Variants in MAP2K1 observed in about 807,000 individuals in gnomAD.
The protein encoded by MAP2K1 is mitogen-activated protein kinase kinase 1.
In MAP2K1, 16 loss-of-function variants were observed where a neutral mutation model predicts 46.3. The observed-to-expected ratio is 0.35, with a 90% CI of 0.23 to 0.52. MAP2K1 has a LOEUF of 0.52. Ranked by LOEUF, MAP2K1 falls within the 20% of genes least tolerant of loss-of-function variation. The pLI, the probability that MAP2K1 is intolerant of heterozygous loss-of-function variation, is 0.94. For missense variants in MAP2K1, 263 were observed against 497.1 expected, an observed-to-expected ratio of 0.53 and a Z score of 4.48; for synonymous variants, 183 against 185.6, an observed-to-expected ratio of 0.99 and a Z score of 0.11.
At chr15:66,410,997 G>C (rs1188645094) in intron 1 of MAP2K1, among the ~76,000 whole-genome samples, 5 of 152,192 alleles carry the variant, frequency 3.3e-5, no homozygotes, top group African/African-American at 1.2e-4. Flanking sequence ...TTAGTTTACA[G>C]AGCTTCTGTG....
At chr15:66,402,319 A>T (rs2093383901) in intron 1 of MAP2K1, among the ~76,000 whole-genome samples, 1 of 152,074 alleles carries the variant, frequency 6.6e-6, no homozygotes, top group African/African-American at 2.4e-5. Flanking sequence ...GCTCGGTATG[A>T]GGTGTATGTC....
chr15:66,483,959 A>G (rs1179937896), intron 6 of MAP2K1, among the ~76,000 whole-genome samples: 1 of 152,038 alleles, frequency 6.6e-6, no homozygotes, highest in Non-Finnish European at 1.5e-5. Context: ...CGTGTTAGCC[A>G]GGATGGTCTC....
Position 66,466,904 on chromosome 15 carries a change from A to G in MAP2K1, c.569-14851A>G, listed in dbSNP as rs1892482623. 2.0e-5 allele frequency among the ~76,000 whole-genome samples: 3 copies of G among 152,134 alleles called. No homozygotes were observed. In the South Asian group the frequency reaches 6.2e-4, roughly 31 times the overall value. On this transcript the variant is annotated intron_variant, in intron 5 of 10. Transcript: ENST00000307102. The stretch of plus-strand genomic sequence containing the variant: ...AAAGTTTTTCCTCTGTTTTGATGTC[A>G]CAGTCTTTAAAGTTATCAGAAGCCT...
intron 1 of MAP2K1, among the ~76,000 whole-genome samples, chr15:66,412,591 C>T (rs1173690314): frequency 1.3e-5 from 2 of 152,148 alleles, no homozygotes; most frequent in African/African-American, 4.8e-5. Context: ...GGTAATTTGG[C>T]CCAAAGACTG....
intron 1 of MAP2K1, among the ~76,000 whole-genome samples, chr15:66,388,796 C>A (rs574507637): frequency 6.6e-6 from 1 of 152,130 alleles, no homozygotes; most frequent in East Asian, 1.9e-4. Flanking sequence ...AGACCTGCTC[C>A]CAACAGACTC....
In MAP2K1 at chr15:66,483,842, G is replaced by A. The variant is rs182263829; in HGVS notation, c.694-1148G>A. On this transcript the variant is annotated intron_variant, in intron 6 of 10. Transcript: ENST00000307102. The stretch of plus-strand genomic sequence containing the variant: ...GGCTTACTGCAAGCCCTGCCTCCCA[G>A]GTTCACTCCATTCTCCTGCCTCATC... 1.2e-3 allele frequency among the ~76,000 whole-genome samples: 184 copies of A among 148,602 alleles called. 1 individual carries two copies. Among genetic ancestry groups the A allele is most frequent in the African/African-American group, 4.3e-3 (173 of 40,624 alleles).
intron 1 of MAP2K1, among the ~76,000 whole-genome samples, chr15:66,398,813 G>A (rs886629880): frequency 6.9e-6 from 1 of 145,046 alleles, no homozygotes; most frequent in Non-Finnish European, 1.5e-5. Context: ...CACTCTTGTC[G>A]TCCAGGCTAG....
At chr15:66,464,167 T>G (rs1168068463) in intron 5 of MAP2K1, among the ~76,000 whole-genome samples, 1 of 152,228 alleles carries the variant, frequency 6.6e-6, no homozygotes, top group African/African-American at 2.4e-5. Context: ...CGTCTCAGGT[T>G]TCATCGGATC....
At chr15:66,444,516 A>G (rs908553641) in intron 4 of MAP2K1, 140 bp from the exon 5 acceptor site, 1 of 698,126 alleles carries the variant, frequency 1.4e-6, no homozygotes, top group Non-Finnish European at 2.7e-6. Flanking sequence ...CTGGGCAACA[A>G]GAGTGAAACT....
chr15:66,420,383 A>G (rs2093434966), intron 1 of MAP2K1, among the ~76,000 whole-genome samples: 1 of 150,648 alleles, frequency 6.6e-6, no homozygotes. Context: ...CCTGGGCAAC[A>G]TGGCGAAACC....
chr15:66,483,748 C>CTTTTTTTTTT (rs750947705), intron 6 of MAP2K1, among the ~76,000 whole-genome samples: 13 of 131,102 alleles, frequency 9.9e-5, no homozygotes, highest in East Asian at 2.2e-4. Flanking sequence ...CATACATTTT[C>CTTTTTTTTTT]TTTTTTTTTT....
chr15:66,463,938 A>G (rs990899133), intron 5 of MAP2K1, among the ~76,000 whole-genome samples: 1 of 152,150 alleles, frequency 6.6e-6, no homozygotes, highest in Non-Finnish European at 1.5e-5. Context: ...TTTTCTTTTG[A>G]GTTTCTGATT....
At chr15:66,407,207 A>G (rs928042338) in intron 1 of MAP2K1, among the ~76,000 whole-genome samples, 2 of 151,982 alleles carry the variant, frequency 1.3e-5, no homozygotes, top group African/African-American at 4.9e-5. Context: ...GCCTGAATGC[A>G]GAATGATCAA....
At chr15:66,469,472 CTTTTTTTTT>C (rs370379739) in intron 5 of MAP2K1, among the ~76,000 whole-genome samples, 212 of 76,640 alleles carry the variant, frequency 2.8e-3, no homozygotes, top group African/African-American at 9.7e-3. Context: ...CTGGTGCCTC[CTTTTTTTTT>C]TTTTTTTTTT....
chr15:66,398,885 T>C (rs1197075701), intron 1 of MAP2K1, among the ~76,000 whole-genome samples: 1 of 151,968 alleles, frequency 6.6e-6, no homozygotes, highest in Non-Finnish European at 1.5e-5. Flanking sequence ...GTGATTCTTG[T>C]GGCTCAGCCT....
At chr15:66,427,647 C>T (rs990968493) in intron 1 of MAP2K1, among the ~76,000 whole-genome samples, 5 of 152,056 alleles carry the variant, frequency 3.3e-5, no homozygotes, top group Non-Finnish European at 2.9e-5. Context: ...CCTTTAGTCT[C>T]CTGACAACCC....
At chr15:66,399,753 T>C (rs925503609) in intron 1 of MAP2K1, among the ~76,000 whole-genome samples, 10 of 152,190 alleles carry the variant, frequency 6.6e-5, no homozygotes, top group Admixed American at 5.9e-4. Flanking sequence ...TGTGCCACCA[T>C]GCCTGGGTAA....
chr15:66,466,589 A>G (rs1324922641), intron 5 of MAP2K1, among the ~76,000 whole-genome samples: 1 of 152,200 alleles, frequency 6.6e-6, no homozygotes, highest in Non-Finnish European at 1.5e-5. Flanking sequence ...CTGAGACCCA[A>G]GAATCACTTG....
rs541794579 is a variant in MAP2K1, at chr15:66,431,324, A to G, written c.81-3703A>G. 5.9e-5 allele frequency among the ~76,000 whole-genome samples: 9 copies of G among 151,974 alleles called. No homozygotes were observed. The South Asian group carries it at 6.2e-4, about 11-fold the overall frequency. ...CAGAAATTAGCCTTGTTGAACTTCA[A>G]CTCCCTCTGCAAGAGGAAGAAATAC... On this transcript the variant is annotated intron_variant, in intron 1 of 10. Transcript: ENST00000307102.
Sources: allele counts gnomAD v4.1 joint callset (sites outside exome capture counted in the v4.1 genomes callset), GRCh38; gene constraint gnomAD v4.1.1; transcripts MANE v1.5; gene names NCBI Gene and HGNC (gene_info 2026-07-23, HGNC 2026-07-21).